Variants in AKAP6 observed in about 807,000 individuals in gnomAD.
The protein encoded by AKAP6 is A-kinase anchoring protein 6, also known as A-kinase anchor protein 6.
AKAP6 carries 58 observed loss-of-function variants against 188.5 expected under a neutral mutation model. That is an observed-to-expected ratio of 0.31 (90% CI 0.25 to 0.38). The LOEUF is 0.38. Among genes scored for constraint, AKAP6 ranks in the 10% least tolerant of loss-of-function variants. AKAP6 has a pLI of 1.00. For missense variants in AKAP6, 2,710 were observed against 2,740.0 expected (o/e 0.99, Z 0.24); for synonymous variants, 989 against 998.6 (o/e 0.99, Z 0.18).
chr14:32,651,248 T>C (rs1888210142), intron 7 of AKAP6, among the ~76,000 whole-genome samples: 1 of 152,158 alleles, frequency 6.6e-6, no homozygotes, highest in Admixed American at 6.5e-5. Context: ...CACTACTTTC[T>C]AGTTTTTAAG....
chr14:32,490,957 G>T (rs1879981068), intron 2 of AKAP6, among the ~76,000 whole-genome samples: 1 of 152,134 alleles, frequency 6.6e-6, no homozygotes, highest in South Asian at 2.1e-4. Context: ...GAATAGTGAT[G>T]ATAATTTTAT....
At chr14:32,652,636 C>T (rs1320238228) in intron 7 of AKAP6, among the ~76,000 whole-genome samples, 3 of 152,160 alleles carry the variant, frequency 2.0e-5, no homozygotes, top group Non-Finnish European at 4.4e-5. Flanking sequence ...TTTTTCATTT[C>T]CAGCCAGGAA....
chr14:32,775,433 CTT>C (rs112257013), intron 12 of AKAP6, among the ~76,000 whole-genome samples: 44 of 120,554 alleles, frequency 3.6e-4, no homozygotes, highest in East Asian at 1.7e-3. Flanking sequence ...CATTTTTATC[CTT>C]TTTTTTTTTT....
chr14:32,794,785 A>T (rs1428299801), intron 12 of AKAP6, among the ~76,000 whole-genome samples: 3 of 152,186 alleles, frequency 2.0e-5, no homozygotes, highest in African/African-American at 7.2e-5. Context: ...ACAAGAAATA[A>T]CAAAATTCAG....
intron 7 of AKAP6, among the ~76,000 whole-genome samples, chr14:32,677,088 A>G (rs550938381): frequency 6.2e-4 from 95 of 152,334 alleles, no homozygotes; most frequent in Non-Finnish European, 1.2e-3. Flanking sequence ...AGCCTCCCAA[A>G]GTGCTGGGAT....
At chr14:32,414,469 G>T (rs1889591991) in intron 1 of AKAP6, among the ~76,000 whole-genome samples, 1 of 152,082 alleles carries the variant, frequency 6.6e-6, no homozygotes, top group Non-Finnish European at 1.5e-5. Flanking sequence ...GGTATTACAT[G>T]ACCCATGTTT....
At chr14:32,665,817 T>C (rs373876125) in intron 7 of AKAP6, among the ~76,000 whole-genome samples, 3 of 152,262 alleles carry the variant, frequency 2.0e-5, no homozygotes, top group East Asian at 3.9e-4. Context: ...CCAGTATATA[T>C]CATAACACTG....
chr14:32,567,418 A>G (rs1445595764), intron 4 of AKAP6, among the ~76,000 whole-genome samples: 1 of 152,150 alleles, frequency 6.6e-6, no homozygotes, highest in African/African-American at 2.4e-5. Flanking sequence ...ATGACAGTAC[A>G]TTGGTTGAGT....
chr14:32,717,308 T>C (rs1385526422), intron 9 of AKAP6, among the ~76,000 whole-genome samples: 1 of 152,128 alleles, frequency 6.6e-6, no homozygotes, highest in Non-Finnish European at 1.5e-5. Context: ...TCAGCCTTTA[T>C]GCAAAATGTT....
At chr14:32,592,220 C>T (rs1334135786) in intron 5 of AKAP6, among the ~76,000 whole-genome samples, 1 of 152,142 alleles carries the variant, frequency 6.6e-6, no homozygotes, top group African/African-American at 2.4e-5. Context: ...CAGGCACTGT[C>T]CTAGACACTG....
Position 32,822,039 on chromosome 14 carries a change from T to C in AKAP6, c.4226T>C (p.Leu1409Ser). Residue 1409 changes from leucine (L) to serine (S), a missense_variant, in exon 13 of 14, where the codon TTA (leucine) becomes TCA (serine). Coordinates refer to ENST00000280979, the MANE Select transcript of AKAP6 (RefSeq NM_004274.5). ...DPQMGDAVNV[L>S]KQKFTDEGES... is the part of the protein sequence containing the mutation. ...CAAATGGGAGATGCAGTTAACGTGT[T>C]AAAGCAAAAATTTACAGATGAGGGG... 3.1e-6 allele frequency: 5 copies of C among 1,613,960 alleles called. No individual in the cohort carries two copies. Among genetic ancestry groups the C allele is most frequent in the Non-Finnish European group, 4.2e-6 (5 of 1,179,944 alleles).
chr14:32,656,315 A>G (rs895362597), intron 7 of AKAP6, among the ~76,000 whole-genome samples: 3 of 152,208 alleles, frequency 2.0e-5, no homozygotes, highest in South Asian at 4.2e-4. Flanking sequence ...AACAAAACCT[A>G]TTTTCTTCTC....
chr14:32,338,742 A>C (rs1168281991), intron 1 of AKAP6, among the ~76,000 whole-genome samples: 3 of 152,086 alleles, frequency 2.0e-5, no homozygotes, highest in Non-Finnish European at 4.4e-5. Context: ...TTAGAGCCTC[A>C]TTTTTCCCCA....
At chr14:32,573,708 CTG>C (rs1214525619) in intron 4 of AKAP6, among the ~76,000 whole-genome samples, 3 of 152,282 alleles carry the variant, frequency 2.0e-5, no homozygotes, top group East Asian at 1.9e-4. Flanking sequence ...AGGATTTGAT[CTG>C]TGTTTCAAAA....
intron 5 of AKAP6, among the ~76,000 whole-genome samples, chr14:32,591,594 A>C (rs1409466083): frequency 6.6e-6 from 1 of 151,794 alleles, no homozygotes; most frequent in East Asian, 1.9e-4. Flanking sequence ...TTCAGGAAGA[A>C]AGTCTCCTCA....
chr14:32,702,636 C>T (rs747253471), intron 9 of AKAP6, among the ~76,000 whole-genome samples: 4 of 152,066 alleles, frequency 2.6e-5, no homozygotes, highest in East Asian at 1.9e-4. Context: ...AGGGAAGCCC[C>T]GCCAGCAGTT....
At position 32,433,809 on chromosome 14, in the gene AKAP6, C is replaced by A; in HGVS notation, c.316C>A (p.Gln106Lys). The change falls in exon 2 of 14, where the codon CAA becomes AAA. Residue 106 changes from glutamine to lysine, a missense_variant. Physicochemically the swap from Gln to Lys is moderately conservative, Grantham distance 53 (BLOSUM62 1). Coordinates refer to ENST00000280979, the MANE Select transcript of AKAP6 (RefSeq NM_004274.5). ...DSKHVDVHLV[Q>K]LKDICEDISD... is the part of the protein sequence containing the mutation. ...CAAGCATGTGGATGTACATCTAGTTCAACTAAAGGTAAGGCAAGGTCTGTG... is the reference window on the plus strand; with the variant it reads ...CAAGCATGTGGATGTACATCTAGTTAAACTAAAGGTAAGGCAAGGTCTGTG... 6.2e-7 allele frequency: 1 copy of A among 1,612,544 alleles called. No individual in the cohort carries two copies. Among genetic ancestry groups the A allele is most frequent in the Admixed American group, 1.7e-5 (1 of 60,002 alleles).
intron 2 of AKAP6, among the ~76,000 whole-genome samples, chr14:32,510,603 T>G (rs556929214): frequency 1.9e-4 from 29 of 151,450 alleles, no homozygotes; most frequent in African/African-American, 7.0e-4. Context: ...TCTAAGCTTT[T>G]GTTCTACCAC....
At chr14:32,406,093 G>A (rs1328525639) in intron 1 of AKAP6, among the ~76,000 whole-genome samples, 1 of 152,228 alleles carries the variant, frequency 6.6e-6, no homozygotes. Context: ...AATGGTTCTA[G>A]ACCCTTAGAA....
Sources: gnomAD v4.1 joint callset for allele counts (sites outside exome capture counted in the v4.1 genomes callset) on GRCh38, gnomAD v4.1.1 for gene constraint, MANE v1.5 for transcripts, NCBI Gene and HGNC (gene_info 2026-07-23, HGNC 2026-07-21) for gene names.